The following GPHN variants were observed in gnomAD, a reference collection of about 807,000 sequenced individuals.
The protein encoded by GPHN is gephyrin.
Under a neutral mutation model 95.5 loss-of-function variants are expected in GPHN, and 17 were observed. That is an observed-to-expected ratio of 0.18 (90% CI 0.12 to 0.27). GPHN has a LOEUF of 0.27. GPHN is among the 10% of genes least tolerant of loss of function. GPHN has a pLI of 1.00. For synonymous variants in GPHN, 320 were observed against 322.5 expected, an observed-to-expected ratio of 0.99 and a Z score of 0.08; for missense variants, 660 against 978.1, an observed-to-expected ratio of 0.67 and a Z score of 4.34.
chr14:66,511,600 T>C (rs2058043102), intron 1 of GPHN, among the ~76,000 whole-genome samples: 1 of 152,120 alleles, frequency 6.6e-6, no homozygotes, highest in South Asian at 2.1e-4. Flanking sequence ...ATTTGTTCTT[T>C]GAAACTTTTC....
At chr14:67,265,225 G>A in the GPHN span, among the ~76,000 whole-genome samples, 114 of 152,270 alleles carry the variant, frequency 7.5e-4, no homozygotes, top group South Asian at 4.8e-3. Context: ...TTTTAGAAAT[G>A]CCTTTTATTA....
rs549736931 is a variant in GPHN at position 66,686,954 on chromosome 14, G to A, written c.143+5769G>A. ...ATACCTAATTTGTTGAGAGTTTTTA[G>A]CATGAGGGGCAGTTGAATTTTGCCA... On this transcript the variant is annotated intron_variant, in intron 2 of 22. Coordinates refer to ENST00000478722, the MANE Select transcript of GPHN (RefSeq NM_020806.5). Among the ~76,000 whole-genome samples the A allele has an allele frequency of 2.3e-3, 350 of 152,204 alleles. 1 individual carries two copies. Among genetic ancestry groups the A allele is most frequent in the Non-Finnish European group, 3.8e-3 (259 of 68,016 alleles).
At chr14:67,528,801 T>C in the GPHN span, among the ~76,000 whole-genome samples, 1 of 152,058 alleles carries the variant, frequency 6.6e-6, no homozygotes, top group Admixed American at 6.5e-5. Flanking sequence ...CTGAGAAAAA[T>C]CACTCAAGGG....
chr14:66,764,814 T>C (rs2058902419), intron 2 of GPHN, among the ~76,000 whole-genome samples: 1 of 152,114 alleles, frequency 6.6e-6, no homozygotes. Context: ...ACATGATTAG[T>C]ATTCTAAGTT....
At chr14:67,070,467 G>T (rs1019548445) in intron 11 of GPHN, among the ~76,000 whole-genome samples, 29 of 149,790 alleles carry the variant, frequency 1.9e-4, no homozygotes, top group African/African-American at 6.1e-4. Context: ...GGAGGCCGAG[G>T]TGGGCGGGTC....
rs376252931 is a variant in GPHN at position 66,934,138 on chromosome 14, C to CAA, written c.828+9864_828+9865dup. 3.2e-3 allele frequency among the ~76,000 whole-genome samples: 250 copies of CAA among 78,712 alleles called. 2 individuals are homozygous for CAA. Among genetic ancestry groups the CAA allele is most frequent in the African/African-American group, 6.1e-3 (161 of 26,552 alleles). 51.6% of individuals were successfully genotyped at this position (78,712 alleles called of 152,430 possible). ...CAGGTGACAGAGCAAGACTCTGTCTCAAAAAAAAAAAAAAAAAAAGAGTTC... is the reference window on the plus strand; with the variant it reads ...CAGGTGACAGAGCAAGACTCTGTCTCAAAAAAAAAAAAAAAAAAAAAGAGTTC... On this transcript the variant is annotated intron_variant, in intron 8 of 22. Coordinates refer to ENST00000478722, the MANE Select transcript of GPHN (RefSeq NM_020806.5).
Position 66,629,160 on chromosome 14 carries a change from T to C in GPHN, c.65-51947T>C, listed in dbSNP as rs998737197. 6.3e-4 allele frequency among the ~76,000 whole-genome samples: 68 copies of C among 107,468 alleles called. 3 individuals carry two copies. The highest frequency in any genetic ancestry group is 3.0e-3 in the African/African-American group (61 of 20,372). The allele number at this position is 107,468 out of a possible 152,430, so 70.5% of individuals were successfully genotyped here. ...ATATATTTATATACATATATAAATA[T>C]GTATATAAATATATATATACATATA... On this transcript the variant is annotated intron_variant, in intron 1 of 22. Transcript: ENST00000478722.
At chr14:66,966,598 TA>T (rs1430790260) in intron 9 of GPHN, among the ~76,000 whole-genome samples, 2 of 152,004 alleles carry the variant, frequency 1.3e-5, no homozygotes, top group African/African-American at 4.8e-5. Context: ...TTTATATTAT[TA>T]AAACAAAGTA....
chr14:66,806,352 C>G (rs919321297), intron 3 of GPHN, among the ~76,000 whole-genome samples: 2 of 152,188 alleles, frequency 1.3e-5, no homozygotes, highest in African/African-American at 4.8e-5. Context: ...TCTGACAGTC[C>G]TTGGAGACAT....
the GPHN span, chr14:67,487,167 G>C: frequency 6.6e-6 from 1 of 152,208 alleles, no homozygotes; most frequent in Non-Finnish European, 1.5e-5. Context: ...CAGCTTCCAT[G>C]TGTCCCTGGG....
At position 66,930,274 on chromosome 14, in the gene GPHN, T is replaced by A. The variant is rs1001660582; in HGVS notation, c.828+5982T>A. On this transcript the variant is annotated intron_variant, in intron 8 of 22. Coordinates refer to ENST00000478722, the MANE Select transcript of GPHN (RefSeq NM_020806.5). ...GTGAAAGTGTTTTTCTCTGGTTATA[T>A]GTTTTAATTTCTTACTTTATATTTT... Among the ~76,000 whole-genome samples, 5 of 152,250 alleles carry A rather than the reference T, an allele frequency of 3.3e-5. No individual in the cohort carries two copies. In the South Asian group the frequency reaches 1.0e-3, roughly 31 times the overall value.
At chr14:67,173,153 C>T (rs912832994) in intron 21 of GPHN, among the ~76,000 whole-genome samples, 1 of 152,148 alleles carries the variant, frequency 6.6e-6, no homozygotes, top group African/African-American at 2.4e-5. Flanking sequence ...AAAAAACAAG[C>T]ACCCCAAGAC....
chr14:67,159,068 C>T (rs2081803311), intron 18 of GPHN, among the ~76,000 whole-genome samples: 1 of 152,102 alleles, frequency 6.6e-6, no homozygotes, highest in Admixed American at 6.5e-5. Flanking sequence ...AATAACGCAC[C>T]AGCTAATGAT....
chr14:67,017,184 A>G (rs1304566297), intron 9 of GPHN, among the ~76,000 whole-genome samples: 1 of 152,148 alleles, frequency 6.6e-6, no homozygotes, highest in Non-Finnish European at 1.5e-5. Flanking sequence ...AAATCTAATT[A>G]AACACATAAG....
At chr14:67,735,019 A>C in the GPHN span, among the ~76,000 whole-genome samples, 2 of 152,250 alleles carry the variant, frequency 1.3e-5, no homozygotes, top group African/African-American at 4.8e-5. Flanking sequence ...TAAATCTGAA[A>C]GTTTCCATCA....
At chr14:67,702,620 G>A in the GPHN span, among the ~76,000 whole-genome samples, 2 of 152,064 alleles carry the variant, frequency 1.3e-5, no homozygotes, top group Non-Finnish European at 2.9e-5. Context: ...TAATTTTAAA[G>A]CCAGTTTATT....
the GPHN span, among the ~76,000 whole-genome samples, chr14:67,481,322 G>A: frequency 6.6e-6 from 1 of 152,120 alleles, no homozygotes; most frequent in Non-Finnish European, 1.5e-5. Flanking sequence ...AAAGCGAGAT[G>A]GGGGAGAGAG....
At chr14:67,580,297 A>G in the GPHN span, 1 of 178,068 alleles carries the variant, frequency 5.6e-6, no homozygotes, top group Non-Finnish European at 1.2e-5. Context: ...TGCCATGCTT[A>G]TAGGTTGAAC....
At chr14:67,728,160 T>C in the GPHN span, 1 of 152,204 alleles carries the variant, frequency 6.6e-6, no homozygotes, top group Non-Finnish European at 1.5e-5. Flanking sequence ...GATCTAGGGG[T>C]CCATTTGTTA....
Sources: gnomAD v4.1 joint callset for allele counts (sites outside exome capture counted in the v4.1 genomes callset) on GRCh38, gnomAD v4.1.1 for gene constraint, MANE v1.5 for transcripts, NCBI Gene and HGNC (gene_info 2026-07-23, HGNC 2026-07-21) for gene names.